Variants in TPD52L1 observed in about 807,000 individuals in gnomAD.
TPD52L1 encodes TPD52 like 1.
TPD52L1 carries 18 observed loss-of-function variants against 28.7 expected under a neutral mutation model. The observed-to-expected ratio is 0.63, with a 90% CI of 0.43 to 0.93. The LOEUF is 0.93. Ranked by LOEUF, TPD52L1 falls within the 40% of genes least tolerant of loss-of-function variation. The pLI is 0.00. For missense variants in TPD52L1, 203 were observed against 254.8 expected (o/e 0.80, Z 1.39); for synonymous variants, 75 against 88.8 (o/e 0.84, Z 0.88).
Position 125,263,094 on chromosome 6 carries a change from C to A in TPD52L1, c.*132C>A. ...CCTTGACATTGTTATTCAAATGGCC[C>A]CTCCAGAAAGTTTAATGATTTCCAT... On this transcript the variant is annotated 3_prime_UTR_variant, in exon 7 of 7. Coordinates refer to ENST00000534000, the MANE Select transcript of TPD52L1 (RefSeq NM_003287.4). The A allele has an allele frequency of 8.9e-7, 1 of 1,125,244 alleles. No individual in the cohort carries two copies. The highest frequency in any genetic ancestry group is 1.2e-6 in the Non-Finnish European group (1 of 822,052). 69.7% of individuals were successfully genotyped at this position (1,125,244 alleles called of 1,614,324 possible).
chr6:125,209,062 T>C (rs1794341731), intron 1 of TPD52L1: 3 of 601,902 alleles, frequency 5.0e-6, no homozygotes, highest in Non-Finnish European at 6.3e-6. Flanking sequence ...TACACAGCCT[T>C]GATCTCTGAT....
At chr6:125,211,261 GTCTATCTATCTATCTATCTATCTATCTA>G (rs58864276) in intron 1 of TPD52L1, among the ~76,000 whole-genome samples, 1 of 148,852 alleles carries the variant, frequency 6.7e-6, no homozygotes, top group African/African-American at 2.5e-5. Context: ...ATATGGATCT[GTCTATCTATCTATCTATCTATCTATCTA>G]TCTATCTATC....
chr6:125,247,589 C>T (rs1363936555), intron 3 of TPD52L1, among the ~76,000 whole-genome samples: 2 of 152,166 alleles, frequency 1.3e-5, no homozygotes, highest in Non-Finnish European at 2.9e-5. Flanking sequence ...CCCACTCGTT[C>T]ATCTACTATT....
At chr6:125,192,122 C>A (rs1212191598) in intron 1 of TPD52L1, among the ~76,000 whole-genome samples, 1 of 152,000 alleles carries the variant, frequency 6.6e-6, no homozygotes, top group Non-Finnish European at 1.5e-5. Flanking sequence ...CTGAGGTTGG[C>A]TTTGACTACA....
intron 3 of TPD52L1, 34 bp from the exon 4 acceptor site, chr6:125,248,248 A>G (rs768463638): frequency 1.3e-6 from 2 of 1,524,204 alleles, no homozygotes; most frequent in East Asian, 4.5e-5. Context: ...GGAGATCATG[A>G]TATAAAAACC....
chr6:125,207,028 A>G (rs907253533), intron 1 of TPD52L1, among the ~76,000 whole-genome samples: 1 of 152,254 alleles, frequency 6.6e-6, no homozygotes, highest in Non-Finnish European at 1.5e-5. Context: ...CATCACAGAT[A>G]TTATGAAAAG....
chr6:125,206,724 A>T (rs980145886), intron 1 of TPD52L1, among the ~76,000 whole-genome samples: 1 of 152,212 alleles, frequency 6.6e-6, no homozygotes, highest in Non-Finnish European at 1.5e-5. Context: ...GAATCCATCC[A>T]TTGAATGTTT....
chr6:125,179,836 A>G (rs1472244293), intron 1 of TPD52L1, among the ~76,000 whole-genome samples: 1 of 150,928 alleles, frequency 6.6e-6, no homozygotes, highest in Non-Finnish European at 1.5e-5. Context: ...CTCTTACTTA[A>G]AGGGAGTTTT....
At chr6:125,208,903 G>T (rs1228945128) in intron 1 of TPD52L1, 1 of 985,234 alleles carries the variant, frequency 1.0e-6, no homozygotes, top group African/African-American at 1.7e-5. Context: ...AATCCCTAGG[G>T]CAGGAATAAG....
chr6:125,189,686 C>T (rs982560041), intron 1 of TPD52L1, among the ~76,000 whole-genome samples: 5 of 152,076 alleles, frequency 3.3e-5, no homozygotes, highest in African/African-American at 1.2e-4. Context: ...AGGTTGGCAA[C>T]CTCTCTCTGC....
At chr6:125,171,516 C>T (rs1791296614) in intron 1 of TPD52L1, among the ~76,000 whole-genome samples, 1 of 152,170 alleles carries the variant, frequency 6.6e-6, no homozygotes, top group African/African-American at 2.4e-5. Flanking sequence ...TGAGGCCCTC[C>T]TTGTGGGTCG....
At chr6:125,249,175 T>G (rs998209089) in intron 4 of TPD52L1, among the ~76,000 whole-genome samples, 8 of 151,324 alleles carry the variant, frequency 5.3e-5, no homozygotes, top group Admixed American at 1.3e-4. Context: ...GAGGTATTAC[T>G]CTTAGTTTTT....
intron 1 of TPD52L1, among the ~76,000 whole-genome samples, chr6:125,206,084 T>A (rs1794114491): frequency 6.6e-6 from 1 of 152,226 alleles, no homozygotes; most frequent in African/African-American, 2.4e-5. Flanking sequence ...GTCAACTGAT[T>A]AGTACATTCT....
In TPD52L1 at chr6:125,218,710, G is replaced by T. The variant is rs1856914; in HGVS notation, c.20-1368G>T. Among the ~76,000 whole-genome samples, 1,521 of 152,202 alleles carry T rather than the reference G, an allele frequency of 1.0e-2. 13 individuals carry two copies. The highest frequency in any genetic ancestry group is 0.034 in the South Asian group (163 of 4,822). ...TGTCTTCTAAAATGTTTATAGTTTT[G>T]TCCCTGTGAATGGTTTAAAGGTGTC... is the stretch of plus-strand genomic sequence containing the variant. On this transcript the variant is annotated intron_variant, in intron 1 of 6. Transcript: ENST00000534000.
intron 3 of TPD52L1, among the ~76,000 whole-genome samples, chr6:125,247,089 CT>C (rs932082367): frequency 1.3e-5 from 2 of 151,866 alleles, no homozygotes; most frequent in Admixed American, 1.3e-4. Flanking sequence ...TGAGATCATA[CT>C]TAGGACTGGA....
intron 1 of TPD52L1, among the ~76,000 whole-genome samples, chr6:125,185,080 G>T (rs1341982320): frequency 6.6e-6 from 1 of 152,158 alleles, no homozygotes; most frequent in East Asian, 1.9e-4. Flanking sequence ...GTATTGGAAT[G>T]AAAGCATAAA....
intron 1 of TPD52L1, among the ~76,000 whole-genome samples, chr6:125,170,161 T>A (rs1791194620): frequency 1.3e-5 from 2 of 152,138 alleles, no homozygotes; most frequent in African/African-American, 4.8e-5. Context: ...ATCAAAGGTA[T>A]GAACAGCTCA....
At chr6:125,166,332 C>T (rs575582105) in intron 1 of TPD52L1, among the ~76,000 whole-genome samples, 10 of 152,276 alleles carry the variant, frequency 6.6e-5, no homozygotes, top group African/African-American at 2.4e-4. Flanking sequence ...AAAATGGACT[C>T]ATTTCTACAT....
chr6:125,212,963 A>C (rs1794617618), intron 1 of TPD52L1, among the ~76,000 whole-genome samples: 1 of 152,208 alleles, frequency 6.6e-6, no homozygotes, highest in East Asian at 1.9e-4. Context: ...ACTAGATTAT[A>C]ATCAGATCTA....
Sources: allele counts gnomAD v4.1 joint callset (sites outside exome capture counted in the v4.1 genomes callset), GRCh38; gene constraint gnomAD v4.1.1; transcripts MANE v1.5; gene names NCBI Gene and HGNC (gene_info 2026-07-23, HGNC 2026-07-21).